The following TCF7L1 variants were observed in gnomAD, a reference collection of about 807,000 sequenced individuals.
TCF7L1 encodes the protein transcription factor 7 like 1, also known as transcription factor 7-like 1.
Under a neutral mutation model 63.7 loss-of-function variants are expected in TCF7L1, and 18 were observed. That is an observed-to-expected ratio of 0.28 (90% CI 0.20 to 0.42). The LOEUF (loss-of-function observed/expected upper bound fraction) is 0.42. Ranked by LOEUF, TCF7L1 falls within the 10% of genes least tolerant of loss-of-function variation. The pLI is 1.00. For missense variants in TCF7L1, 654 were observed against 779.3 expected, an observed-to-expected ratio of 0.84 and a Z score of 1.91; for synonymous variants, 355 against 340.9, an observed-to-expected ratio of 1.04 and a Z score of -0.46.
intron 3 of TCF7L1, among the ~76,000 whole-genome samples, chr2:85,227,992 C>CAAAAAA (rs34769307): frequency 2.5e-5 from 2 of 79,552 alleles, no homozygotes; most frequent in East Asian, 3.4e-4. Flanking sequence ...ACCCTGTCTC[C>CAAAAAA]AAAAAAAAAA....
intron 4 of TCF7L1, among the ~76,000 whole-genome samples, chr2:85,290,526 T>C (rs1451199447): frequency 6.6e-6 from 1 of 152,190 alleles, no homozygotes; most frequent in African/African-American, 2.4e-5. Context: ...CATGAGTATA[T>C]AGTTCTGTGA....
chr2:85,225,760 AC>A (rs1179461934), intron 3 of TCF7L1, among the ~76,000 whole-genome samples: 6 of 152,230 alleles, frequency 3.9e-5, no homozygotes, highest in African/African-American at 1.4e-4. Context: ...CTAATTGAAT[AC>A]CCTTTATTTC....
intron 4 of TCF7L1, among the ~76,000 whole-genome samples, chr2:85,294,863 C>G (rs1364937080): frequency 6.6e-6 from 1 of 151,828 alleles, no homozygotes; most frequent in Admixed American, 6.6e-5. Context: ...TGCGACCTCA[C>G]CTTTACTAAA....
intron 3 of TCF7L1, among the ~76,000 whole-genome samples, chr2:85,152,626 G>T (rs1678044495): frequency 6.7e-6 from 1 of 148,428 alleles, no homozygotes; most frequent in Non-Finnish European, 1.5e-5. Context: ...GTAGAGACAG[G>T]GTTTCACCAT....
At chr2:85,265,121 C>T (rs1331768453) in intron 3 of TCF7L1, among the ~76,000 whole-genome samples, 3 of 152,122 alleles carry the variant, frequency 2.0e-5, no homozygotes, top group African/African-American at 7.2e-5. Flanking sequence ...TGGGTGGATG[C>T]TTGCTCTGGG....
intron 3 of TCF7L1, among the ~76,000 whole-genome samples, chr2:85,275,937 A>AAAG (rs397826005): frequency 6.6e-6 from 1 of 151,440 alleles, no homozygotes; most frequent in Non-Finnish European, 1.5e-5. Context: ...AAAAAAAAAA[A>AAAG]TACCTCAAGA....
In TCF7L1 at chr2:85,244,994, G is replaced by A. The variant is rs1680427304; in HGVS notation, c.442-38501G>A. 2.0e-5 allele frequency among the ~76,000 whole-genome samples: 3 copies of A among 152,132 alleles called. No homozygotes were observed. The South Asian group carries it at 6.2e-4, about 32-fold the overall frequency. On this transcript the variant is annotated intron_variant, in intron 3 of 11. Coordinates refer to ENST00000282111, the MANE Select transcript of TCF7L1 (RefSeq NM_031283.3). The stretch of plus-strand genomic sequence containing the variant: ...GAGGGGCTGCTGCTGAAGGTCGAGT[G>A]AGATGAGGGCTGAGAAACAACCATT...
intron 4 of TCF7L1, among the ~76,000 whole-genome samples, chr2:85,294,138 G>T (rs1349708494): frequency 6.9e-6 from 1 of 145,844 alleles, no homozygotes; most frequent in Non-Finnish European, 1.5e-5. Context: ...CCGGATTCAC[G>T]CCATTCGCCT....
At chr2:85,186,295 A>G (rs1678921427) in intron 3 of TCF7L1, 1 of 152,132 alleles carries the variant, frequency 6.6e-6, no homozygotes, top group African/African-American at 2.4e-5. Flanking sequence ...GAGCCCGATC[A>G]AAGTAACATG....
At chr2:85,157,529 A>G (rs1420966818) in intron 3 of TCF7L1, among the ~76,000 whole-genome samples, 1 of 152,196 alleles carries the variant, frequency 6.6e-6, no homozygotes, top group Non-Finnish European at 1.5e-5. Flanking sequence ...AGCCCCTGCC[A>G]TGTGGCACCA....
chr2:85,229,340 C>T (rs1364166543), intron 3 of TCF7L1, among the ~76,000 whole-genome samples: 3 of 152,030 alleles, frequency 2.0e-5, no homozygotes, highest in African/African-American at 4.8e-5. Context: ...AGCGAGACTC[C>T]GTCTCAAAAA....
rs114440727 is a variant in TCF7L1 at position 85,267,198 on chromosome 2, G to A, written c.442-16297G>A. Among the ~76,000 whole-genome samples the A allele has an allele frequency of 3.2e-3, 482 of 151,752 alleles. 6 individuals are homozygous for A. The highest frequency in any genetic ancestry group is 0.011 in the African/African-American group (471 of 41,342). ...TCTACAAAAATACAAAAATTAGCTG[G>A]GTGTGCACCTGTATTCCAGCTACTT... On this transcript the variant is annotated intron_variant, in intron 3 of 11. Transcript: ENST00000282111.
chr2:85,191,301 TTAACA>T (rs1679034618), intron 3 of TCF7L1, among the ~76,000 whole-genome samples: 1 of 152,164 alleles, frequency 6.6e-6, no homozygotes, highest in Admixed American at 6.5e-5. Context: ...GTAGAACCAC[TTAACA>T]TGACATTGGT....
Position 85,133,977 on chromosome 2 carries a change from G to T in TCF7L1, c.250-39G>T. 1 of 1,593,198 alleles carries T rather than the reference G, an allele frequency of 6.3e-7. No individual in the cohort carries two copies. The highest frequency in any genetic ancestry group is 8.6e-7 in the Non-Finnish European group (1 of 1,168,330). ...CACCCCCGGGGGATCCCGGCCCTGC[G>T]TCCGCTCACCCGCTCTTGCCTTTGT... On this transcript the variant is annotated intron_variant, in intron 1 of 11. Coordinates refer to ENST00000282111, the MANE Select transcript of TCF7L1 (RefSeq NM_031283.3). This position sits in a 1 kb window ranked among gnomAD's most constrained non-coding sequence, Gnocchi z 4.4.
intron 3 of TCF7L1, among the ~76,000 whole-genome samples, chr2:85,272,571 A>T (rs946372834): frequency 2.0e-5 from 3 of 151,992 alleles, no homozygotes; most frequent in Non-Finnish European, 4.4e-5. Context: ...AGGCGAAAGG[A>T]TCACTTAAGG....
chr2:85,247,828 A>C (rs1382889641), intron 3 of TCF7L1, among the ~76,000 whole-genome samples: 1 of 152,168 alleles, frequency 6.6e-6, no homozygotes, highest in African/African-American at 2.4e-5. Flanking sequence ...TTTGTTATTA[A>C]AATCACCGTA....
intron 3 of TCF7L1, among the ~76,000 whole-genome samples, chr2:85,182,152 G>A (rs1210722887): frequency 6.6e-6 from 1 of 152,134 alleles, no homozygotes; most frequent in African/African-American, 2.4e-5. Context: ...AGGGAGAGAC[G>A]AGGCCCTCAA....
intron 4 of TCF7L1, among the ~76,000 whole-genome samples, chr2:85,298,989 A>C (rs555774412): frequency 5.5e-4 from 83 of 151,984 alleles, no homozygotes; most frequent in African/African-American, 2.0e-3. Flanking sequence ...CTCACACAGC[A>C]TTTCGACAAC....
Position 85,309,045 on chromosome 2 carries a change from G to C in TCF7L1, c.1350G>C (p.Lys450Asn). 6.3e-7 allele frequency: 1 copy of C among 1,595,166 alleles called. No individual in the cohort carries two copies. The highest frequency in any genetic ancestry group is 8.6e-7 in the Non-Finnish European group (1 of 1,169,178). ...VQEAEGALASKSKKPCVQYLP... is the reference protein window; with the variant it reads ...VQEAEGALASNSKKPCVQYLP... Reference sequence around the variant, plus strand: ...TCCCCCTAGGTGCCCTGGCCTCCAAGAGCAAGAAGCCATGTGTTCAGTACC... The same window carrying C: ...TCCCCCTAGGTGCCCTGGCCTCCAACAGCAAGAAGCCATGTGTTCAGTACC... Residue 450 changes from lysine (K) to asparagine (N), a missense_variant, in exon 12 of 12, where the codon AAG becomes AAC. Physicochemically the swap from Lys to Asn is moderately conservative, Grantham distance 94. Around this residue, in one of 3 missense-constraint regions of TCF7L1, gnomAD observed 184 missense variants for 204.0 expected, o/e 0.90. Transcript: ENST00000282111.
Sources: allele counts gnomAD v4.1 joint callset (sites outside exome capture counted in the v4.1 genomes callset), GRCh38; gene constraint gnomAD v4.1.1; regional missense constraint gnomAD v4.1.1; non-coding constraint Gnocchi (gnomAD v3.1); transcripts MANE v1.5; gene names NCBI Gene and HGNC (gene_info 2026-07-23, HGNC 2026-07-21).